The following PRIM2 variants were observed in gnomAD, a reference collection of about 807,000 sequenced individuals.
PRIM2 encodes DNA primase large subunit.
PRIM2 carries 39 observed loss-of-function variants against 67.3 expected under a neutral mutation model. The ratio of observed to expected loss-of-function variants is 0.58; its 90% CI spans 0.45 to 0.76. The LOEUF is 0.76. Ranked by LOEUF, PRIM2 falls within the 30% of genes least tolerant of loss-of-function variation. The pLI, the probability that PRIM2 is intolerant of heterozygous loss-of-function variation, is 0.00. For synonymous variants in PRIM2, 143 were observed against 198.7 expected, an observed-to-expected ratio of 0.72 and a Z score of 2.36; for missense variants, 398 against 598.7, an observed-to-expected ratio of 0.66 and a Z score of 3.50.
chr6:57,513,413 A>G (rs1394387608), intron 8 of PRIM2, among the ~76,000 whole-genome samples: 13 of 150,086 alleles, frequency 8.7e-5, no homozygotes, highest in African/African-American at 3.0e-4. Flanking sequence ...AATATGAAGT[A>G]TAAATAGGTA....
chr6:57,298,196 C>A, the PRIM2 span, among the ~76,000 whole-genome samples: 1 of 152,118 alleles, frequency 6.6e-6, no homozygotes, highest in East Asian at 1.9e-4. Flanking sequence ...CCCGTCTCTA[C>A]TAAAGATACA....
intron 10 of PRIM2, among the ~76,000 whole-genome samples, chr6:57,580,740 T>C (rs1776067960): frequency 2.6e-5 from 4 of 152,258 alleles, no homozygotes. Context: ...GTCGAGGGGA[T>C]AATGAGAGTG....
upstream of PRIM2, among the ~76,000 whole-genome samples, chr6:57,311,950 G>A (rs903366429): frequency 1.3e-4 from 20 of 149,950 alleles, no homozygotes; most frequent in African/African-American, 4.7e-4. Flanking sequence ...CAGGGAGGTT[G>A]CAGCGAGCCG....
At chr6:57,330,359 TTGTTTTTG>T (rs1562696657) in intron 5 of PRIM2, among the ~76,000 whole-genome samples, 41 of 103,388 alleles carry the variant, frequency 4.0e-4, no homozygotes, top group Admixed American at 9.5e-4. Context: ...TTTTTTTTTT[TTGTTTTTG>T]TTTTTTTGTT....
intron 5 of PRIM2, among the ~76,000 whole-genome samples, chr6:57,335,152 A>G (rs1768185800): frequency 6.6e-6 from 1 of 152,228 alleles, no homozygotes; most frequent in East Asian, 1.9e-4. Context: ...TGCTTTTCCG[A>G]CAGGCTTAAA....
chr6:57,515,942 G>A (rs1774478691), intron 8 of PRIM2, among the ~76,000 whole-genome samples: 1 of 151,888 alleles, frequency 6.6e-6, no homozygotes, highest in South Asian at 2.1e-4. Flanking sequence ...AGTTGTTGGA[G>A]ATCCTGTTTT....
At chr6:57,573,629 C>CGT (rs1404862004) in intron 10 of PRIM2, among the ~76,000 whole-genome samples, 1 of 151,814 alleles carries the variant, frequency 6.6e-6, no homozygotes, top group African/African-American at 2.4e-5. Flanking sequence ...ATTATATATA[C>CGT]GTGTGTGTGT....
chr6:57,414,316 C>G lies in PRIM2; in HGVS notation c.693+32148C>G, dbSNP rs1247491505. Among the ~76,000 whole-genome samples the G allele has an allele frequency of 5.3e-5, 8 of 152,230 alleles. No homozygotes were observed. The South Asian group carries it at 1.7e-3, about 32-fold the overall frequency. On this transcript the variant is annotated intron_variant, in intron 7 of 13. Coordinates refer to ENST00000615550, the MANE Select transcript of PRIM2 (RefSeq NM_000947.5). ...GAAACATAGATCCATCTTGGTATCC[C>G]TAATGCTTACCATACTGCTTTGCAT... is the stretch of plus-strand genomic sequence containing the variant.
At chr6:57,271,461 G>T in the PRIM2 span, among the ~76,000 whole-genome samples, 1 of 152,160 alleles carries the variant, frequency 6.6e-6, no homozygotes, top group Non-Finnish European at 1.5e-5. Context: ...ATTTCTGTGG[G>T]ATTGGTGGTG....
intron 7 of PRIM2, among the ~76,000 whole-genome samples, chr6:57,392,035 ATC>A (rs1770368206): frequency 1.3e-5 from 2 of 152,098 alleles, no homozygotes; most frequent in South Asian, 4.1e-4. Flanking sequence ...TTATTTGTGT[ATC>A]TCTGATTTCT....
intron 9 of PRIM2, among the ~76,000 whole-genome samples, chr6:57,533,315 A>C (rs1245088115): frequency 6.6e-6 from 1 of 152,204 alleles, no homozygotes; most frequent in Non-Finnish European, 1.5e-5. Context: ...AGCCAGCCAT[A>C]AATAATCTTG....
chr6:57,358,751 A>G (rs112634014), intron 5 of PRIM2, among the ~76,000 whole-genome samples: 1 of 152,310 alleles, frequency 6.6e-6, no homozygotes, highest in African/African-American at 2.4e-5. Context: ...CACTATAAGT[A>G]TTATATAAAT....
At chr6:57,453,830 A>G (rs1772649279) in intron 7 of PRIM2, among the ~76,000 whole-genome samples, 1 of 152,034 alleles carries the variant, frequency 6.6e-6, no homozygotes, top group African/African-American at 2.4e-5. Context: ...TGTGTTGAAT[A>G]GGAGTGGTGA....
chr6:57,377,974 C>T (rs1285167845), intron 5 of PRIM2, among the ~76,000 whole-genome samples: 17 of 151,924 alleles, frequency 1.1e-4, no homozygotes, highest in Non-Finnish European at 2.5e-4. Flanking sequence ...TTAGATTCTA[C>T]AAACTGTGTG....
chr6:57,427,905 A>G (rs1273808633), intron 7 of PRIM2, among the ~76,000 whole-genome samples: 2 of 152,172 alleles, frequency 1.3e-5, no homozygotes, highest in East Asian at 3.8e-4. Flanking sequence ...CCTTATTCTT[A>G]TAAATGCAAC....
intron 7 of PRIM2, among the ~76,000 whole-genome samples, chr6:57,386,344 G>A (rs1338314450): frequency 6.7e-6 from 1 of 149,980 alleles, no homozygotes; most frequent in Non-Finnish European, 1.5e-5. Context: ...CTTGAGCCTG[G>A]GAGATCAAGG....
the PRIM2 span, among the ~76,000 whole-genome samples, chr6:57,286,128 A>G: frequency 6.6e-6 from 1 of 152,174 alleles, no homozygotes; most frequent in Non-Finnish European, 1.5e-5. Context: ...AAAAGGAAAA[A>G]CATTCCATGC....
intron 7 of PRIM2, among the ~76,000 whole-genome samples, chr6:57,445,870 C>T (rs925807720): frequency 6.6e-6 from 1 of 152,142 alleles, no homozygotes; most frequent in African/African-American, 2.4e-5. Context: ...AGGGGTTGTG[C>T]TTCCTGCAGT....
At chr6:57,638,597 AAAG>A (rs1472356385) in intron 13 of PRIM2, among the ~76,000 whole-genome samples, 4 of 149,812 alleles carry the variant, frequency 2.7e-5, no homozygotes, top group Non-Finnish European at 3.0e-5. Context: ...AAAAAAAAAA[AAAG>A]CAGGGATTGC....
Sources: gnomAD v4.1 joint callset for allele counts (sites outside exome capture counted in the v4.1 genomes callset) on GRCh38, gnomAD v4.1.1 for gene constraint, MANE v1.5 for transcripts, NCBI Gene and HGNC (gene_info 2026-07-23, HGNC 2026-07-21) for gene names.